Variants in NRG1 observed in about 807,000 individuals in gnomAD.
NRG1 encodes the protein neuregulin 1, also known as pro-neuregulin-1, membrane-bound isoform.
In NRG1, 18 loss-of-function variants were observed where a neutral mutation model predicts 63.8. The observed-to-expected ratio is 0.28, with a 90% confidence interval of 0.19 to 0.42. NRG1 has a LOEUF of 0.42. Ranked by LOEUF, NRG1 falls within the 10% of genes least tolerant of loss-of-function variation. The pLI, the probability that NRG1 is intolerant of heterozygous loss-of-function variation, is 1.00. For missense variants in NRG1, 762 were observed against 814.7 expected (o/e 0.94, Z 0.79); for synonymous variants, 302 against 301.3 (o/e 1.00, Z -0.02).
intron 1 of NRG1, among the ~76,000 whole-genome samples, chr8:31,761,829 C>G (rs1817590777): frequency 6.6e-6 from 1 of 152,140 alleles, no homozygotes; most frequent in Non-Finnish European, 1.5e-5. Flanking sequence ...GAAGCACATG[C>G]TGTTGGAAAA....
intron 1 of NRG1, among the ~76,000 whole-genome samples, chr8:31,884,604 T>C (rs1478398933): frequency 2.0e-5 from 3 of 152,152 alleles, no homozygotes; most frequent in Non-Finnish European, 4.4e-5. Context: ...GCTAAATTTA[T>C]GTAAAAAAAT....
At chr8:31,851,000 T>G (rs912934206) in intron 1 of NRG1, among the ~76,000 whole-genome samples, 1 of 152,208 alleles carries the variant, frequency 6.6e-6, no homozygotes, top group African/African-American at 2.4e-5. Flanking sequence ...GGCACTATAC[T>G]AACTTTGGTG....
At chr8:31,839,193 T>C (rs1312991222) in intron 1 of NRG1, among the ~76,000 whole-genome samples, 1 of 152,220 alleles carries the variant, frequency 6.6e-6, no homozygotes, top group Non-Finnish European at 1.5e-5. Context: ...TTTAAAGTTT[T>C]ATTCATTCTC....
At chr8:32,366,677 G>GTGTGTATGTATATATA (rs1164696498) in intron 1 of NRG1, among the ~76,000 whole-genome samples, 1 of 87,522 alleles carries the variant, frequency 1.1e-5, no homozygotes, top group Non-Finnish European at 2.2e-5. Context: ...GTGTGTGTGT[G>GTGTGTATGTATATATA]TATATATATA....
chr8:32,357,533 T>A (rs1260696580), intron 1 of NRG1, among the ~76,000 whole-genome samples: 3 of 152,150 alleles, frequency 2.0e-5, no homozygotes, highest in African/African-American at 4.8e-5. Flanking sequence ...CCAACAAAAG[T>A]TTTTTTCATC....
chr8:31,897,069 C>T (rs952749316), intron 1 of NRG1, among the ~76,000 whole-genome samples: 2 of 152,174 alleles, frequency 1.3e-5, no homozygotes, highest in Admixed American at 6.5e-5. Context: ...TTATTGTCTT[C>T]GTTCCCATTC....
rs966825054 is a variant in NRG1, at chr8:32,320,969, A to G, written c.38-274859A>G. ...AATTTCCTCCCTAAAAGTTTTGACAATCTTGTTTATTTATATATTTTATGG... is the reference window on the plus strand; with the variant it reads ...AATTTCCTCCCTAAAAGTTTTGACAGTCTTGTTTATTTATATATTTTATGG... On this transcript the variant is annotated intron_variant, in intron 1 of 10. Transcript: ENST00000519301. 4.6e-5 allele frequency among the ~76,000 whole-genome samples: 7 copies of G among 152,242 alleles called. No individual in the cohort carries two copies. The East Asian group carries it at 1.4e-3, about 29-fold the overall frequency.
At chr8:31,748,758 C>T (rs1397282862) in intron 1 of NRG1, among the ~76,000 whole-genome samples, 1 of 151,730 alleles carries the variant, frequency 6.6e-6, no homozygotes, top group African/African-American at 2.4e-5. Context: ...TTTTGGCACT[C>T]CTCCTTTCAC....
intron 1 of NRG1, among the ~76,000 whole-genome samples, chr8:31,872,693 T>C (rs1040744910): frequency 6.6e-6 from 1 of 152,224 alleles, no homozygotes; most frequent in Non-Finnish European, 1.5e-5. Context: ...TTCAGTCTTC[T>C]GAGATAATGT....
At chr8:31,906,305 T>C (rs990847930) in intron 1 of NRG1, among the ~76,000 whole-genome samples, 1 of 152,166 alleles carries the variant, frequency 6.6e-6, no homozygotes, top group African/African-American at 2.4e-5. Context: ...GTGACACAAA[T>C]GATCAGAGAA....
At chr8:32,069,242 T>C (rs1166932208) in intron 1 of NRG1, among the ~76,000 whole-genome samples, 1 of 151,916 alleles carries the variant, frequency 6.6e-6, no homozygotes, top group African/African-American at 2.4e-5. Context: ...AGACAAAGAG[T>C]AGTAGATGAA....
intron 5 of NRG1, among the ~76,000 whole-genome samples, chr8:32,704,293 T>A (rs561210534): frequency 6.6e-5 from 10 of 152,322 alleles, no homozygotes; most frequent in African/African-American, 2.4e-4. Context: ...ATTAAGTGAA[T>A]TTAGAGTTGA....
chr8:32,282,480 G>A (rs1221738156), intron 1 of NRG1, among the ~76,000 whole-genome samples: 1 of 152,178 alleles, frequency 6.6e-6, no homozygotes, highest in South Asian at 2.1e-4. Flanking sequence ...GCTCCTGCCT[G>A]CAAAGCGTGC....
chr8:32,306,102 C>T (rs1265455333), intron 1 of NRG1, among the ~76,000 whole-genome samples: 1 of 152,176 alleles, frequency 6.6e-6, no homozygotes, highest in South Asian at 2.1e-4. Flanking sequence ...CTCCCCTCAG[C>T]AAGTTTAAAA....
intron 2 of NRG1, among the ~76,000 whole-genome samples, chr8:32,603,477 C>CTTTTCT (rs1473190654): frequency 6.6e-6 from 1 of 151,944 alleles, no homozygotes; most frequent in Non-Finnish European, 1.5e-5. Flanking sequence ...GCGCAGTTAA[C>CTTTTCT]TTTTCTTTTT....
intron 1 of NRG1, among the ~76,000 whole-genome samples, chr8:32,424,019 G>T (rs1013038179): frequency 6.6e-6 from 1 of 152,152 alleles, no homozygotes; most frequent in Non-Finnish European, 1.5e-5. Flanking sequence ...CAGTTCCTAA[G>T]CCCTCTTTCT....
At chr8:31,714,712 A>T (rs1278949686) in intron 1 of NRG1, among the ~76,000 whole-genome samples, 1 of 152,150 alleles carries the variant, frequency 6.6e-6, no homozygotes, top group Non-Finnish European at 1.5e-5. Context: ...CTATCTGTCT[A>T]TCACCTTATC....
chr8:31,985,294 T>C (rs1809868176), intron 1 of NRG1, among the ~76,000 whole-genome samples: 1 of 152,114 alleles, frequency 6.6e-6, no homozygotes, highest in South Asian at 2.1e-4. Context: ...GATTTCCTTT[T>C]TATACATCTT....
At chr8:32,646,003 G>A (rs1157208231) in intron 5 of NRG1, among the ~76,000 whole-genome samples, 1 of 152,168 alleles carries the variant, frequency 6.6e-6, no homozygotes, top group Non-Finnish European at 1.5e-5. Flanking sequence ...GGTGATAGCT[G>A]AGGACATGTG....
Sources: gnomAD v4.1 joint callset for allele counts (sites outside exome capture counted in the v4.1 genomes callset) on GRCh38, gnomAD v4.1.1 for gene constraint, MANE v1.5 for transcripts, NCBI Gene and HGNC (gene_info 2026-07-23, HGNC 2026-07-21) for gene names.